Variants in CCDC149 observed in about 807,000 individuals in gnomAD.
The protein encoded by CCDC149 is coiled-coil domain-containing protein 149.
A neutral mutation model predicts 59.9 loss-of-function variants in CCDC149; 45 were observed. That is an observed-to-expected ratio of 0.75 (90% CI 0.59 to 0.96). The LOEUF is 0.96. Ranked by LOEUF, CCDC149 falls within the 40% of genes least tolerant of loss-of-function variation. CCDC149 has a pLI of 0.00. For synonymous variants in CCDC149, 245 were observed against 260.6 expected, an observed-to-expected ratio of 0.94 and a Z score of 0.58; for missense variants, 584 against 664.7, an observed-to-expected ratio of 0.88 and a Z score of 1.33.
downstream of CCDC149, among the ~76,000 whole-genome samples, chr4:24,803,582 C>G (rs1012985487): frequency 2.8e-4 from 42 of 152,096 alleles, no homozygotes; most frequent in African/African-American, 9.2e-4. The surrounding 1 kb of genome is among the most constrained non-coding windows in gnomAD (Gnocchi z 4.3). Context: ...ATACAATGAC[C>G]ATAGAATCCA....
At chr4:24,895,033 T>TGAC in intron 1 of CCDC149, 15 of 1,517,486 alleles carry the variant, frequency 9.9e-6, no homozygotes, top group Non-Finnish European at 1.3e-5. Flanking sequence ...ATGATGATGA[T>TGAC]GACGACGACG....
At chr4:24,936,832 C>T (rs10031348) in intron 1 of CCDC149, among the ~76,000 whole-genome samples, 15,479 of 152,204 alleles carry the variant, frequency 0.1, 1,449 homozygotes, top group East Asian at 0.29. Context: ...GCATGGGAAT[C>T]GAATCAGCAA....
rs181893379 is a variant in CCDC149, at chr4:24,932,308, A to G, written c.-64-37190T>C. The stretch of plus-strand genomic sequence containing the variant: ...CTGATCTTTTAGTAATTTAAGTTTC[A>G]GCACTGCCAGATTGCTCCAGCTGTA... On this transcript the variant is annotated intron_variant, in intron 1 of 12. Transcript: ENST00000389609. Among the ~76,000 whole-genome samples, 525 of 152,302 alleles carry G rather than the reference A, an allele frequency of 3.4e-3. 3 individuals are homozygous for G. Among genetic ancestry groups the G allele is most frequent in the Middle Eastern group, 6.8e-3 (2 of 294 alleles).
intron 7 of CCDC149, among the ~76,000 whole-genome samples, chr4:24,835,409 C>A (rs928415852): frequency 4.6e-5 from 7 of 152,098 alleles, no homozygotes; most frequent in African/African-American, 1.7e-4. Context: ...TTTCCATGCA[C>A]CAATGGTGAT....
intron 1 of CCDC149, among the ~76,000 whole-genome samples, chr4:24,895,820 C>T: frequency 6.6e-6 from 1 of 152,244 alleles, no homozygotes; most frequent in Admixed American, 6.5e-5. Flanking sequence ...ACCATCCCTT[C>T]AGGATGACCT....
intron 1 of CCDC149, among the ~76,000 whole-genome samples, chr4:24,964,420 C>T (rs73250659): frequency 0.17 from 26,475 of 151,774 alleles, 3,079 homozygotes; most frequent in African/African-American, 0.32. Context: ...AAATTTGAAA[C>T]GAATGACAGA....
At chr4:24,871,044 A>G (rs988565840) in intron 3 of CCDC149, among the ~76,000 whole-genome samples, 1 of 145,074 alleles carries the variant, frequency 6.9e-6, no homozygotes, top group Non-Finnish European at 1.5e-5. Flanking sequence ...GACTCCCTCA[A>G]AAAAAAAAAA....
intron 7 of CCDC149, among the ~76,000 whole-genome samples, chr4:24,835,796 TA>T (rs947424758): frequency 6.6e-6 from 1 of 152,084 alleles, no homozygotes; most frequent in Non-Finnish European, 1.5e-5. Context: ...TAGACGGCTG[TA>T]AAACTTCACC....
intron 1 of CCDC149, among the ~76,000 whole-genome samples, chr4:24,940,859 A>G (rs1351222632): frequency 2.6e-5 from 4 of 152,264 alleles, no homozygotes; most frequent in Admixed American, 6.5e-5. Context: ...TCCTAAATAT[A>G]TATGTACCCA....
chr4:24,937,876 G>A (rs1722829240), intron 1 of CCDC149, among the ~76,000 whole-genome samples: 1 of 151,586 alleles, frequency 6.6e-6, no homozygotes, highest in African/African-American at 2.4e-5. Context: ...CAATACATCT[G>A]TCTTCTGACA....
chr4:24,926,935 C>T (rs543748610), intron 1 of CCDC149, among the ~76,000 whole-genome samples: 1 of 152,302 alleles, frequency 6.6e-6, no homozygotes, highest in South Asian at 2.1e-4. Context: ...AGGACAGTCA[C>T]ACTCCTTACA....
In CCDC149 at chr4:24,912,960, G is replaced by T; in HGVS notation, c.-81C>A. Reference sequence around the variant, plus strand: ...GCCGCCGCCGCCCGGGCCCCGCGCGGCCCCGAGAGGGCCCGGCGCCTCCGA... The same window carrying T: ...GCCGCCGCCGCCCGGGCCCCGCGCGTCCCCGAGAGGGCCCGGCGCCTCCGA... On this transcript the variant is annotated 5_prime_UTR_variant, in exon 1 of 13. Coordinates refer to ENST00000635206, the MANE Select transcript of CCDC149 (RefSeq NM_001330643.2). 1 of 726,748 alleles carries T rather than the reference G, an allele frequency of 1.4e-6. No homozygotes were observed. Among genetic ancestry groups the T allele is most frequent in the Non-Finnish European group, 1.8e-6 (1 of 562,214 alleles). 45.0% of individuals were successfully genotyped at this position (726,748 alleles called of 1,614,324 possible).
intron 1 of CCDC149, among the ~76,000 whole-genome samples, chr4:24,933,032 T>C (rs1018046738): frequency 1.5e-4 from 23 of 152,094 alleles, no homozygotes; most frequent in African/African-American, 5.6e-4. Flanking sequence ...TTATGCATGG[T>C]GAGGGCCAGT....
intron 1 of CCDC149, among the ~76,000 whole-genome samples, chr4:24,950,621 C>T (rs1723255728): frequency 6.6e-6 from 1 of 152,228 alleles, no homozygotes; most frequent in South Asian, 2.1e-4. Context: ...GCACTTAGAC[C>T]TTCTCCAATC....
At chr4:24,945,046 AT>A (rs1470852024) in intron 1 of CCDC149, among the ~76,000 whole-genome samples, 1 of 152,176 alleles carries the variant, frequency 6.6e-6, no homozygotes, top group Non-Finnish European at 1.5e-5. Context: ...CTTCTAGGAC[AT>A]TTGTCCTCAT....
chr4:24,804,442 GA>G (rs1714050726), downstream of CCDC149, among the ~76,000 whole-genome samples: 1 of 135,122 alleles, frequency 7.4e-6, no homozygotes. Context: ...AGTGAGCCGA[GA>G]TCATGCCACT....
In CCDC149 at chr4:24,808,776, AG is replaced by A; in HGVS notation, c.1235del (p.Ala412ValfsTer4). 1 of 1,551,358 alleles carries A rather than the reference AG, an allele frequency of 6.4e-7. No homozygotes were observed. The highest frequency in any genetic ancestry group is 8.7e-7 in the Non-Finnish European group (1 of 1,146,876). The stretch of plus-strand genomic sequence containing the variant: ...CATCCTCAGGCGCTGTCAACGCCTC[AG>A]CAGCGGCACAACTTTCATCTTCTTC... On this transcript the variant is annotated frameshift_variant, in exon 13 of 13. Coordinates refer to ENST00000635206, the MANE Select transcript of CCDC149 (RefSeq NM_001330643.2). LOFTEE classifies it low-confidence loss of function (END_TRUNC).
intron 3 of CCDC149, among the ~76,000 whole-genome samples, chr4:24,859,997 T>C (rs1043608691): frequency 2.0e-5 from 3 of 152,206 alleles, no homozygotes; most frequent in African/African-American, 7.2e-5. Context: ...AGAATCACTA[T>C]TGTGAAAATG....
At chr4:24,945,592 C>T (rs550883379) in intron 1 of CCDC149, among the ~76,000 whole-genome samples, 29 of 151,492 alleles carry the variant, frequency 1.9e-4, no homozygotes, top group African/African-American at 6.3e-4. Context: ...TTTTAAGCCA[C>T]TCTGTTTATG....
Sources: gnomAD v4.1 joint callset for allele counts (sites outside exome capture counted in the v4.1 genomes callset) on GRCh38, gnomAD v4.1.1 for gene constraint, Gnocchi (gnomAD v3.1) non-coding constraint, MANE v1.5 for transcripts, NCBI Gene and HGNC (gene_info 2026-07-23, HGNC 2026-07-21) for gene names.